The following TNS3 variants were observed in gnomAD, a reference collection of about 807,000 sequenced individuals.
TNS3 encodes tensin-3.
Under a neutral mutation model 140.9 loss-of-function variants are expected in TNS3, and 45 were observed. The ratio of observed to expected loss-of-function variants is 0.32; its 90% CI spans 0.25 to 0.41. TNS3 has a LOEUF of 0.41. Among genes scored for constraint, TNS3 ranks in the 10% least tolerant of loss-of-function variants. TNS3 has a pLI of 1.00. For missense variants in TNS3, 1,716 were observed against 1,906.7 expected, an observed-to-expected ratio of 0.90 and a Z score of 1.86; for synonymous variants, 815 against 788.4, an observed-to-expected ratio of 1.03 and a Z score of -0.56.
intron 1 of TNS3, among the ~76,000 whole-genome samples, chr7:47,533,768 C>T (rs575859603): frequency 1.2e-4 from 18 of 152,190 alleles, no homozygotes; most frequent in South Asian, 6.2e-4. Context: ...ATCATGAGAT[C>T]TGATGGTTTT....
intron 1 of TNS3, among the ~76,000 whole-genome samples, chr7:47,541,674 C>T (rs180905779): frequency 6.6e-6 from 1 of 152,054 alleles, no homozygotes; most frequent in African/African-American, 2.4e-5. Context: ...CGAGGCCGGG[C>T]GCAGTGACTC....
chr7:47,367,274 C>T (rs1366736885), intron 17 of TNS3, among the ~76,000 whole-genome samples: 1 of 152,204 alleles, frequency 6.6e-6, no homozygotes, highest in African/African-American at 2.4e-5. Flanking sequence ...CTGAGACAAC[C>T]CTGCTCCGTC....
At chr7:47,577,778 C>A (rs1380588039) in intron 1 of TNS3, among the ~76,000 whole-genome samples, 1 of 152,114 alleles carries the variant, frequency 6.6e-6, no homozygotes, top group East Asian at 1.9e-4. Flanking sequence ...CGTTATTAGG[C>A]TGAGAGCTGG....
At chr7:47,400,701 G>A (rs1793105940) in intron 14 of TNS3, 84 bp downstream of exon 14, 1 of 1,571,662 alleles carries the variant, frequency 6.4e-7, no homozygotes, top group Non-Finnish European at 8.7e-7. Flanking sequence ...TTGGAAAGAG[G>A]GTAAAGGGGA....
chr7:47,537,966 A>ACCCCCCCCCCCCCCCCCCCCCCCCCCC (rs113842617), intron 1 of TNS3, among the ~76,000 whole-genome samples: 4 of 126,216 alleles, frequency 3.2e-5, no homozygotes, highest in Admixed American at 1.6e-4. Context: ...CCCTCACCGC[A>ACCCCCCCCCCCCCCCCCCCCCCCCCCC]CCCCCCCCAC....
At chr7:47,514,707 T>A (rs979868745) in intron 2 of TNS3, among the ~76,000 whole-genome samples, 2 of 152,174 alleles carry the variant, frequency 1.3e-5, no homozygotes, top group Non-Finnish European at 2.9e-5. Context: ...CTGATTCCAC[T>A]ATTAGATCCC....
chr7:47,400,672 T>C (rs1204967408), intron 14 of TNS3, 113 bp downstream of exon 14: 1 of 1,516,988 alleles, frequency 6.6e-7, no homozygotes, highest in Non-Finnish European at 8.9e-7. Flanking sequence ...TGGGAACAAT[T>C]TTGTCAGTAG....
At chr7:47,580,976 A>C (rs1414530533) in intron 1 of TNS3, among the ~76,000 whole-genome samples, 2 of 152,094 alleles carry the variant, frequency 1.3e-5, no homozygotes, top group African/African-American at 2.4e-5. Flanking sequence ...AATGCGCCCC[A>C]AGGAAGCCTG....
intron 16 of TNS3, among the ~76,000 whole-genome samples, chr7:47,392,083 C>G (rs1792551908): frequency 6.6e-6 from 1 of 152,174 alleles, no homozygotes; most frequent in Admixed American, 6.5e-5. Flanking sequence ...ATTAAAACAC[C>G]ATAGTGAGGC....
Position 47,280,369 on chromosome 7 carries a change from G to A in TNS3, c.4098-15C>T, listed in dbSNP as rs1235352775. On this transcript the variant is annotated splice_polypyrimidine_tract_variant and intron_variant, in intron 28 of 30. Coordinates refer to ENST00000311160, the MANE Select transcript of TNS3 (RefSeq NM_022748.12). ...GGAAGAAGAGCCTGTTGGGACATGG[G>A]GGAGAGAGGATGGCTCCTGTTACTA... is the stretch of plus-strand genomic sequence containing the variant. The A allele has an allele frequency of 1.9e-6, 3 of 1,613,872 alleles. No homozygotes were observed. The highest frequency in any genetic ancestry group is 2.2e-5 in the East Asian group (1 of 44,878).
intron 4 of TNS3, among the ~76,000 whole-genome samples, chr7:47,480,846 G>T (rs998528293): frequency 6.6e-6 from 1 of 152,198 alleles, no homozygotes; most frequent in Non-Finnish European, 1.5e-5. Context: ...GATTCGCCCC[G>T]AAGGTAACTA....
intron 4 of TNS3, among the ~76,000 whole-genome samples, chr7:47,449,425 G>A (rs1010292979): frequency 2.0e-5 from 3 of 152,088 alleles, no homozygotes. Flanking sequence ...TCCTGCCCCA[G>A]GTTCTTTGCA....
intron 1 of TNS3, among the ~76,000 whole-genome samples, chr7:47,555,869 T>G (rs1488195460): frequency 6.6e-6 from 1 of 152,234 alleles, no homozygotes; most frequent in East Asian, 1.9e-4. Context: ...GCAACTTACT[T>G]TATCTCAATA....
Position 47,485,491 on chromosome 7 carries a change from T to C in TNS3, c.-114-4350A>G, listed in dbSNP as rs561631014. Reference sequence around the variant, plus strand: ...CTGATAGGAGCTGCACCCTCTCTCATAATGAGCAGCTCCCTCAGGGATTAG... The same window carrying C: ...CTGATAGGAGCTGCACCCTCTCTCACAATGAGCAGCTCCCTCAGGGATTAG... On this transcript the variant is annotated intron_variant, in intron 3 of 30. Transcript: ENST00000311160. Among the ~76,000 whole-genome samples the C allele has an allele frequency of 1.1e-4, 16 of 152,280 alleles. No homozygotes were observed. In the East Asian group the frequency reaches 2.9e-3, roughly 28 times the overall value.
At chr7:47,305,614 G>T (rs1162469919) in intron 20 of TNS3, among the ~76,000 whole-genome samples, 1 of 152,242 alleles carries the variant, frequency 6.6e-6, no homozygotes, top group Non-Finnish European at 1.5e-5. Flanking sequence ...CTGCTTCAAA[G>T]GCCACACCGT....
intron 20 of TNS3, among the ~76,000 whole-genome samples, chr7:47,315,116 T>C (rs1192352422): frequency 2.6e-5 from 4 of 152,242 alleles, no homozygotes; most frequent in Non-Finnish European, 5.9e-5. Flanking sequence ...CAGCCGATCT[T>C]GGGCCCTGAA....
intron 13 of TNS3, among the ~76,000 whole-genome samples, chr7:47,409,706 G>A (rs1584593517): frequency 6.6e-6 from 1 of 152,142 alleles, no homozygotes; most frequent in African/African-American, 2.4e-5. Context: ...CGCCCAGGCT[G>A]GAGTGCAGTA....
chr7:47,345,089 C>A (rs140777340), intron 18 of TNS3, 51 bp from the exon 19 acceptor site: 4 of 1,448,046 alleles, frequency 2.8e-6, no homozygotes, highest in East Asian at 4.5e-5. Context: ...CAAGTGAAGG[C>A]CCCTCCAAAC....
intron 13 of TNS3, among the ~76,000 whole-genome samples, chr7:47,409,999 G>A (rs990804969): frequency 6.6e-6 from 1 of 152,342 alleles, no homozygotes; most frequent in Middle Eastern, 3.4e-3. Flanking sequence ...CAGTTCCAGA[G>A]TGGGTGGAGG....
Sources: gnomAD v4.1 joint callset for allele counts (sites outside exome capture counted in the v4.1 genomes callset) on GRCh38, gnomAD v4.1.1 for gene constraint, MANE v1.5 for transcripts, NCBI Gene and HGNC (gene_info 2026-07-23, HGNC 2026-07-21) for gene names.